The following TRIO variants were observed in gnomAD, a reference collection of about 807,000 sequenced individuals.
TRIO encodes triple functional domain protein.
Under a neutral mutation model 351.9 loss-of-function variants are expected in TRIO, and 58 were observed. The observed-to-expected ratio is 0.16, with a 90% CI of 0.13 to 0.21. The LOEUF (loss-of-function observed/expected upper bound fraction) is 0.21. Ranked by LOEUF, TRIO falls within the 10% of genes least tolerant of loss-of-function variation. TRIO has a pLI of 1.00. For missense variants in TRIO, 3,201 were observed against 4,027.8 expected (o/e 0.79, Z 5.56); for synonymous variants, 1,758 against 1,595.7 (o/e 1.10, Z -2.42).
intron 23 of TRIO, 48 bp downstream of exon 23, chr5:14,387,895 A>G: frequency 1.3e-6 from 2 of 1,579,988 alleles, no homozygotes; most frequent in Non-Finnish European, 1.7e-6. Context: ...AAAAGTGAAG[A>G]GAATGTCATT....
chr5:14,471,851 A>G (rs1579755004), intron 38 of TRIO, among the ~76,000 whole-genome samples: 1 of 152,212 alleles, frequency 6.6e-6, no homozygotes, highest in Non-Finnish European at 1.5e-5. Context: ...CAATGCCAGT[A>G]AAGCAGCATA....
At chr5:14,410,515 T>G (rs1749110284) in intron 33 of TRIO, among the ~76,000 whole-genome samples, 1 of 152,198 alleles carries the variant, frequency 6.6e-6, no homozygotes, top group Non-Finnish European at 1.5e-5. Flanking sequence ...CTGCCCTACG[T>G]AGTTTAAGTT....
intron 31 of TRIO, among the ~76,000 whole-genome samples, chr5:14,404,703 C>T (rs1011079861): frequency 6.6e-6 from 1 of 152,178 alleles, no homozygotes; most frequent in African/African-American, 2.4e-5. Context: ...ATTGGTTTTC[C>T]TGCTGTCCTA....
intron 11 of TRIO, among the ~76,000 whole-genome samples, chr5:14,356,519 T>C (rs972573070): frequency 5.3e-5 from 8 of 152,248 alleles, no homozygotes; most frequent in African/African-American, 1.9e-4. Context: ...TCTCATACGC[T>C]GCTGGTGGGA....
At chr5:14,157,060 G>A (rs1296938164) in intron 1 of TRIO, among the ~76,000 whole-genome samples, 1 of 152,226 alleles carries the variant, frequency 6.6e-6, no homozygotes, top group Non-Finnish European at 1.5e-5. Flanking sequence ...TTGAGCCAGT[G>A]AGAATGGGTG....
chr5:14,456,074 TG>T (rs1753276880), intron 34 of TRIO, among the ~76,000 whole-genome samples: 1 of 152,246 alleles, frequency 6.6e-6, no homozygotes, highest in African/African-American at 2.4e-5. Context: ...CTGGCAGTGC[TG>T]GGGGACCCGG....
intron 43 of TRIO, among the ~76,000 whole-genome samples, chr5:14,480,579 A>G (rs975812269): frequency 6.6e-6 from 1 of 152,216 alleles, no homozygotes; most frequent in Admixed American, 6.5e-5. Flanking sequence ...AACCGAAGGC[A>G]GAGTCACGTG....
intron 37 of TRIO, among the ~76,000 whole-genome samples, chr5:14,467,994 A>G (rs1462317359): frequency 6.6e-6 from 1 of 152,228 alleles, no homozygotes; most frequent in Non-Finnish European, 1.5e-5. Context: ...CGTCAGTTAA[A>G]TGACCATTAA....
intron 1 of TRIO, among the ~76,000 whole-genome samples, chr5:14,233,687 A>G (rs983203534): frequency 2.4e-4 from 37 of 152,036 alleles, no homozygotes; most frequent in Non-Finnish European, 8.8e-5. Context: ...CCGGGCATGC[A>G]CCACCACGCC....
In TRIO at chr5:14,288,962, C is replaced by T. The variant is rs1227783584; in HGVS notation, c.541-1754C>T. Among the ~76,000 whole-genome samples the T allele has an allele frequency of 2.6e-5, 4 of 152,296 alleles. No homozygotes were observed. The East Asian group carries it at 7.7e-4, about 29-fold the overall frequency. ...GTGAGGTTAAGATTTCTTGCCGAGGCCAGGCACAGTGGCTCATGCCTGTAA... is the reference window on the plus strand; with the variant it reads ...GTGAGGTTAAGATTTCTTGCCGAGGTCAGGCACAGTGGCTCATGCCTGTAA... On this transcript the variant is annotated intron_variant, in intron 4 of 56. Transcript: ENST00000344204.
chr5:14,258,561 C>T (rs182474449), intron 1 of TRIO, among the ~76,000 whole-genome samples: 34 of 152,328 alleles, frequency 2.2e-4, no homozygotes, highest in Admixed American at 2.0e-3. Flanking sequence ...GCCTACAAGA[C>T]GTTCAGCTTT....
intron 34 of TRIO, among the ~76,000 whole-genome samples, chr5:14,437,696 C>A (rs777724129): frequency 3.2e-5 from 3 of 92,828 alleles, no homozygotes; most frequent in African/African-American, 1.2e-4. Context: ...ACCCCCCCCG[C>A]CCCAAGGACC....
chr5:14,249,466 G>GA (rs1267018984), intron 1 of TRIO, among the ~76,000 whole-genome samples: 1 of 152,166 alleles, frequency 6.6e-6, no homozygotes, highest in Non-Finnish European at 1.5e-5. Flanking sequence ...TTCGAGGGGG[G>GA]AATTGCCAAT....
chr5:14,305,208 G>A (rs1738253587), intron 8 of TRIO, among the ~76,000 whole-genome samples: 1 of 152,252 alleles, frequency 6.6e-6, no homozygotes, highest in Admixed American at 6.5e-5. Flanking sequence ...TCAGCAGCTA[G>A]TGGAGCAGGG....
intron 1 of TRIO, among the ~76,000 whole-genome samples, chr5:14,242,708 G>T (rs906995988): frequency 1.3e-5 from 2 of 152,184 alleles, no homozygotes; most frequent in Non-Finnish European, 2.9e-5. Flanking sequence ...CCGAGTAGCT[G>T]GGACTGCAGG....
chr5:14,390,557 A>G, intron 26 of TRIO: 2 of 548,432 alleles, frequency 3.6e-6, no homozygotes, highest in Non-Finnish European at 3.2e-6. Context: ...GGATTTGCTG[A>G]TAGGTGAGTT....
chr5:14,379,302 T>C (rs1745856428), intron 20 of TRIO, among the ~76,000 whole-genome samples: 1 of 152,238 alleles, frequency 6.6e-6, no homozygotes, highest in African/African-American at 2.4e-5. Flanking sequence ...ATTGGATACA[T>C]GCTTTTTAGC....
At chr5:14,475,286 C>G (rs571004580) in intron 40 of TRIO, among the ~76,000 whole-genome samples, 6 of 152,202 alleles carry the variant, frequency 3.9e-5, no homozygotes, top group Non-Finnish European at 8.8e-5. Context: ...TGCAACTGCT[C>G]CTCCCTCTGC....
intron 11 of TRIO, among the ~76,000 whole-genome samples, chr5:14,339,399 A>AT (rs1462216217): frequency 6.6e-6 from 1 of 152,228 alleles, no homozygotes; most frequent in Non-Finnish European, 1.5e-5. Context: ...GTAAAAATAC[A>AT]TTTTGTTTTC....
Sources: gnomAD v4.1 joint callset for allele counts (sites outside exome capture counted in the v4.1 genomes callset) on GRCh38, gnomAD v4.1.1 for gene constraint, MANE v1.5 for transcripts, NCBI Gene and HGNC (gene_info 2026-07-23, HGNC 2026-07-21) for gene names.